The following TRMT11 variants were observed in gnomAD, a reference collection of about 807,000 sequenced individuals.
TRMT11 encodes the protein tRNA (guanine(10)-N(2))-methyltransferase TRMT11.
Under a neutral mutation model 62.8 loss-of-function variants are expected in TRMT11, and 53 were observed. The ratio of observed to expected loss-of-function variants is 0.84; its 90% CI spans 0.68 to 1.06. TRMT11 has a LOEUF of 1.06. Among genes scored for constraint, TRMT11 ranks in the 50% least tolerant of loss-of-function variants. The pLI is 0.00. For synonymous variants in TRMT11, 188 were observed against 190.3 expected, an observed-to-expected ratio of 0.99 and a Z score of 0.10; for missense variants, 556 against 553.4, an observed-to-expected ratio of 1.00 and a Z score of -0.05.
At position 126,068,774 on chromosome 6, in the gene TRMT11, A is replaced by G. The variant is rs558326604; in HGVS notation, c.*1437+15584A>G. 7.2e-5 allele frequency among the ~76,000 whole-genome samples: 11 copies of G among 152,318 alleles called. No individual in the cohort carries two copies. The East Asian group carries it at 1.9e-3, about 27-fold the overall frequency. On this transcript the variant is annotated intron_variant and NMD_transcript_variant, in intron 17 of 22. Transcript: ENST00000648977. ...CCTGTAAATTTTAAAACCAAGTCCC[A>G]CAAAATATGTTTGAATTTTGACTTT...
At chr6:126,195,095 G>T (rs1778649407) in intron 1 of TRMT11, among the ~76,000 whole-genome samples, 1 of 152,162 alleles carries the variant, frequency 6.6e-6, no homozygotes, top group South Asian at 2.1e-4. Flanking sequence ...TAGCCTGGGA[G>T]GCAGAGTGAG....
intron 17 of TRMT11, among the ~76,000 whole-genome samples, chr6:126,083,558 GATT>G (rs1016249281): frequency 6.6e-6 from 1 of 152,094 alleles, no homozygotes; most frequent in African/African-American, 2.4e-5. Flanking sequence ...ATAGTAAACA[GATT>G]ATTATAGTGA....
the TRMT11 span, among the ~76,000 whole-genome samples, chr6:126,228,270 G>T: frequency 3.9e-5 from 6 of 152,294 alleles, no homozygotes; most frequent in East Asian, 7.7e-4. Flanking sequence ...CTGAGGCTAG[G>T]GAGATGCTCA....
In TRMT11 at chr6:125,986,615, G is replaced by A. The variant is rs201624664; in HGVS notation, c.65G>A (p.Arg22His). ...LLMAQEHLEF[R>H]LPEIKSLLLL... ...ATGGCGCAGGAGCATCTGGAGTTCC[G>A]CCTGCCGGTGAGTCCGTAGCGCCCT... Residue 22 changes from arginine (R) to histidine (H), a missense_variant, in exon 1 of 13, where the codon CGC (arginine) becomes CAC (histidine). Coordinates refer to ENST00000334379, the MANE Select transcript of TRMT11 (RefSeq NM_001031712.3). 2.5e-6 allele frequency: 4 copies of A among 1,573,262 alleles called. No homozygotes were observed. The highest frequency in any genetic ancestry group is 3.4e-6 in the Non-Finnish European group (4 of 1,162,644).
At chr6:126,155,156 G>A (rs1016815951) in intron 21 of TRMT11, among the ~76,000 whole-genome samples, 1 of 152,144 alleles carries the variant, frequency 6.6e-6, no homozygotes, top group Non-Finnish European at 1.5e-5. Flanking sequence ...TTCTTATGGG[G>A]CCCGAGGAAT....
In TRMT11 at chr6:126,038,731, A is replaced by G; in HGVS notation, c.1287A>G (p.Leu429=). Residue 429 remains leucine, a synonymous_variant, in exon 13 of 13, where the codon CTA becomes CTG. Transcript: ENST00000334379. ...FENRDQYSHL[L]SDHFLPYQGH... ...ATCGGGACCAGTATTCACATCTGCT[A>G]AGTGATCATTTTCTGCCATACCAAG... The G allele has an allele frequency of 6.3e-7, 1 of 1,596,010 alleles. No homozygotes were observed. The highest frequency in any genetic ancestry group is 1.4e-5 in the African/African-American group (1 of 73,716).
At chr6:126,110,154 G>C (rs1777514322) in intron 17 of TRMT11, among the ~76,000 whole-genome samples, 1 of 152,126 alleles carries the variant, frequency 6.6e-6, no homozygotes, top group African/African-American at 2.4e-5. Context: ...ATCAGCAATA[G>C]CAGTTGTACC....
intron 12 of TRMT11, among the ~76,000 whole-genome samples, chr6:126,027,257 AGACT>A (rs1243832846): frequency 6.6e-6 from 1 of 152,246 alleles, no homozygotes; most frequent in Non-Finnish European, 1.5e-5. Context: ...TGTCCACAAC[AGACT>A]GAGGTATAAT....
At position 126,151,875 on chromosome 6, in the gene TRMT11, TCC is replaced by T. The variant is rs778743235; in HGVS notation, c.*1824-22949_*1824-22948del. ...CTTTCTTTCTTTCTTTCCTTCTTTC[TCC>T]TTCCTTCCTTGTCTTTTTCTTTCTT... On this transcript the variant is annotated intron_variant and NMD_transcript_variant, in intron 21 of 22. Coordinates refer to the TRMT11 transcript ENST00000648977. Among the ~76,000 whole-genome samples, 169 of 105,096 alleles carry T rather than the reference TCC, an allele frequency of 1.6e-3. 2 individuals are homozygous for T. The highest frequency in any genetic ancestry group is 5.3e-3 in the South Asian group (18 of 3,384). The allele number at this position is 105,096 out of a possible 152,430, so 68.9% of individuals were successfully genotyped here. A position where few individuals can be genotyped will look rare whatever the true frequency, so the allele number is the denominator to read the frequency against.
At chr6:126,119,956 T>C (rs763911225) in intron 21 of TRMT11, among the ~76,000 whole-genome samples, 12 of 152,178 alleles carry the variant, frequency 7.9e-5, no homozygotes, top group Non-Finnish European at 1.6e-4. Context: ...ATGAATACTA[T>C]GGAAATAAAT....
the TRMT11 span, chr6:126,258,102 T>C: frequency 1.0e-6 from 1 of 973,842 alleles, no homozygotes; most frequent in Non-Finnish European, 1.7e-6. Context: ...TGGGATCTCC[T>C]TTTCCTGGCA....
chr6:126,085,816 A>G (rs1777211384), intron 17 of TRMT11, among the ~76,000 whole-genome samples: 1 of 152,178 alleles, frequency 6.6e-6, no homozygotes, highest in Admixed American at 6.5e-5. Context: ...TTGAATCCTA[A>G]AGAAATATGT....
intron 17 of TRMT11, among the ~76,000 whole-genome samples, chr6:126,077,752 T>G (rs1777062099): frequency 6.6e-6 from 1 of 152,208 alleles, no homozygotes; most frequent in Admixed American, 6.5e-5. Flanking sequence ...CTCTACCTTT[T>G]TCACAACCTA....
At chr6:126,006,143 G>T (rs1793310832) in intron 7 of TRMT11, among the ~76,000 whole-genome samples, 1 of 151,856 alleles carries the variant, frequency 6.6e-6, no homozygotes, top group African/African-American at 2.4e-5. Context: ...ACCCTTTGTA[G>T]TCCCCTTTTC....
chr6:125,988,497 CT>C (rs1562227478), intron 1 of TRMT11, among the ~76,000 whole-genome samples: 2 of 152,080 alleles, frequency 1.3e-5, no homozygotes, highest in African/African-American at 2.4e-5. Flanking sequence ...GGGAGGGGTT[CT>C]CTTTTCAGTA....
At chr6:126,037,430 C>G (rs972592336) in intron 12 of TRMT11, among the ~76,000 whole-genome samples, 1 of 152,062 alleles carries the variant, frequency 6.6e-6, no homozygotes, top group Admixed American at 6.6e-5. Context: ...CACATTGACT[C>G]TCTAAAATTT....
At chr6:125,995,545 C>T (rs921312561) in intron 2 of TRMT11, among the ~76,000 whole-genome samples, 5 of 152,254 alleles carry the variant, frequency 3.3e-5, no homozygotes, top group Admixed American at 3.3e-4. Context: ...CTCCTTCACC[C>T]TCAGATGGCC....
chr6:126,269,321 A>G, the TRMT11 span, among the ~76,000 whole-genome samples: 1 of 151,714 alleles, frequency 6.6e-6, no homozygotes, highest in East Asian at 1.9e-4. Context: ...ATTAAAGAAA[A>G]AAATATTTTC....
intron 17 of TRMT11, among the ~76,000 whole-genome samples, chr6:126,108,853 T>G (rs1043090684): frequency 1.3e-5 from 2 of 152,196 alleles, no homozygotes; most frequent in African/African-American, 4.8e-5. Context: ...TGGCTAGTGA[T>G]GTGGATGGGT....
Sources: allele counts gnomAD v4.1 joint callset (sites outside exome capture counted in the v4.1 genomes callset), GRCh38; gene constraint gnomAD v4.1.1; transcripts MANE v1.5; gene names NCBI Gene and HGNC (gene_info 2026-07-23, HGNC 2026-07-21).